SKAP1: variants seen among roughly 807,000 people sequenced by gnomAD.
SKAP1 encodes the protein src kinase associated phosphoprotein 1, also known as src kinase-associated phosphoprotein 1.
Under a neutral mutation model 58.5 loss-of-function variants are expected in SKAP1, and 44 were observed. The observed-to-expected ratio is 0.75, with a 90% confidence interval of 0.59 to 0.97. The LOEUF (loss-of-function observed/expected upper bound fraction) is 0.97, where lower values mean the gene tolerates loss of function less well. Among genes scored for constraint, SKAP1 ranks in the 50% least tolerant of loss-of-function variants. The pLI is 0.00. For synonymous variants in SKAP1, 127 were observed against 149.7 expected (o/e 0.85, Z 1.11); for missense variants, 390 against 435.2 (o/e 0.90, Z 0.92).
chr17:48,296,978 T>C (rs2065985140), intron 4 of SKAP1, among the ~76,000 whole-genome samples: 1 of 152,124 alleles, frequency 6.6e-6, no homozygotes, highest in African/African-American at 2.4e-5. Context: ...GAAAGGAGCA[T>C]TCTCTGTCTA....
At chr17:48,153,024 GACACACACACAC>G (rs10537609) in intron 11 of SKAP1, among the ~76,000 whole-genome samples, 1 of 150,552 alleles carries the variant, frequency 6.6e-6, no homozygotes, top group Non-Finnish European at 1.5e-5. Context: ...TGTGCACATG[GACACACACACAC>G]ACACACACAC....
At chr17:48,264,990 A>C (rs990912546) in intron 4 of SKAP1, among the ~76,000 whole-genome samples, 1 of 152,186 alleles carries the variant, frequency 6.6e-6, no homozygotes, top group African/African-American at 2.4e-5. Context: ...ACCTTGCTAA[A>C]AACATGACTC....
intron 4 of SKAP1, among the ~76,000 whole-genome samples, chr17:48,201,060 G>A (rs1258886791): frequency 2.0e-5 from 3 of 152,078 alleles, no homozygotes; most frequent in Admixed American, 2.0e-4. Context: ...TCTTAGGGTT[G>A]GTATCATATA....
chr17:48,168,840 A>G (rs2064174532), intron 10 of SKAP1, among the ~76,000 whole-genome samples: 2 of 152,230 alleles, frequency 1.3e-5, no homozygotes, highest in African/African-American at 4.8e-5. Flanking sequence ...AAACTAAATG[A>G]TGACATTTGG....
intron 2 of SKAP1, among the ~76,000 whole-genome samples, chr17:48,394,498 C>A (rs772294300): frequency 5.3e-5 from 8 of 151,970 alleles, no homozygotes; most frequent in Non-Finnish European, 8.8e-5. Flanking sequence ...TATACCACCA[C>A]ACCTGGCTAA....
intron 4 of SKAP1, among the ~76,000 whole-genome samples, chr17:48,263,846 C>T (rs1415676795): frequency 1.3e-5 from 2 of 152,142 alleles, no homozygotes; most frequent in Non-Finnish European, 2.9e-5. Context: ...GACAGTCGGA[C>T]CATTAGTTCT....
At chr17:48,351,173 C>T (rs1443448237) in intron 3 of SKAP1, among the ~76,000 whole-genome samples, 1 of 152,190 alleles carries the variant, frequency 6.6e-6, no homozygotes, top group Non-Finnish European at 1.5e-5. Context: ...ATGTTACTCA[C>T]ACATAAGTAT....
intron 11 of SKAP1, among the ~76,000 whole-genome samples, chr17:48,139,931 G>C (rs963027748): frequency 6.6e-6 from 1 of 152,116 alleles, no homozygotes; most frequent in Non-Finnish European, 1.5e-5. Flanking sequence ...CTTCCTTTCC[G>C]AGAGATGAGG....
chr17:48,192,927 T>C (rs2064567497), intron 4 of SKAP1, among the ~76,000 whole-genome samples: 2 of 152,238 alleles, frequency 1.3e-5, no homozygotes, highest in African/African-American at 4.8e-5. Flanking sequence ...AAGGAGCTGC[T>C]GAATTTTTTC....
chr17:48,364,617 G>A (rs909709146), intron 2 of SKAP1, among the ~76,000 whole-genome samples: 4 of 152,208 alleles, frequency 2.6e-5, no homozygotes, highest in Non-Finnish European at 4.4e-5. Flanking sequence ...GGAGGTTGCA[G>A]TGAGCTAAGA....
intron 4 of SKAP1, among the ~76,000 whole-genome samples, chr17:48,320,756 C>T (rs904207535): frequency 2.8e-5 from 4 of 144,528 alleles, no homozygotes; most frequent in Non-Finnish European, 6.2e-5. Context: ...TCTACCTCCA[C>T]CAATTTTTTT....
chr17:48,205,312 T>C (rs2064796209), intron 4 of SKAP1, among the ~76,000 whole-genome samples: 1 of 152,056 alleles, frequency 6.6e-6, no homozygotes. Flanking sequence ...GGTTTAGCTA[T>C]GTTGCCCAGG....
chr17:48,385,129 C>G (rs905607369), intron 2 of SKAP1, among the ~76,000 whole-genome samples: 1 of 151,980 alleles, frequency 6.6e-6, no homozygotes, highest in Non-Finnish European at 1.5e-5. Context: ...TACAGAAAGA[C>G]CAAATAAGAC....
chr17:48,360,281 T>TA (rs1208051182), intron 3 of SKAP1, among the ~76,000 whole-genome samples: 3 of 152,158 alleles, frequency 2.0e-5, no homozygotes, highest in African/African-American at 7.2e-5. Flanking sequence ...TTATAGCAAA[T>TA]AAATTTTGAA....
intron 1 of SKAP1, among the ~76,000 whole-genome samples, chr17:48,425,354 T>C (rs2067844840): frequency 6.6e-6 from 1 of 152,222 alleles, no homozygotes; most frequent in East Asian, 1.9e-4. Context: ...TCCCAACTTT[T>C]AAAGTATATC....
At chr17:48,158,352 C>T (rs932282625) in intron 11 of SKAP1, among the ~76,000 whole-genome samples, 1 of 149,376 alleles carries the variant, frequency 6.7e-6, no homozygotes, top group African/African-American at 2.5e-5. Flanking sequence ...CCAGACCATT[C>T]TGGCTAACAC....
intron 2 of SKAP1, among the ~76,000 whole-genome samples, chr17:48,387,768 A>T (rs1275618499): frequency 1.3e-5 from 2 of 152,222 alleles, no homozygotes; most frequent in Non-Finnish European, 2.9e-5. Context: ...TACCAATCTC[A>T]TATTAGCTTT....
At chr17:48,234,718 T>G (rs1181002522) in intron 4 of SKAP1, among the ~76,000 whole-genome samples, 2 of 152,202 alleles carry the variant, frequency 1.3e-5, no homozygotes, top group East Asian at 3.8e-4. Flanking sequence ...AAGGCACTTT[T>G]TTTTTTCTGG....
At chr17:48,135,581 A>T (rs2063687786) in intron 12 of SKAP1, among the ~76,000 whole-genome samples, 1 of 151,990 alleles carries the variant, frequency 6.6e-6, no homozygotes, top group Admixed American at 6.6e-5. Flanking sequence ...GGGCTCAAGC[A>T]TTCCTCCCAC....
Sources: gnomAD v4.1 joint callset for allele counts (sites outside exome capture counted in the v4.1 genomes callset) on GRCh38, gnomAD v4.1.1 for gene constraint, MANE v1.5 for transcripts, NCBI Gene and HGNC (gene_info 2026-07-23, HGNC 2026-07-21) for gene names.